The following KMT2C variants were observed in gnomAD, a reference collection of about 807,000 sequenced individuals.
KMT2C encodes the protein histone-lysine N-methyltransferase 2C.
In KMT2C, 88 loss-of-function variants were observed where a neutral mutation model predicts 507.9. The ratio of observed to expected loss-of-function variants is 0.17; its 90% CI spans 0.15 to 0.21. The LOEUF is 0.21. KMT2C is among the 10% of genes least tolerant of loss of function. The pLI, the probability that KMT2C is intolerant of heterozygous loss-of-function variation, is 1.00. For missense variants in KMT2C, 4,954 were observed against 5,957.8 expected, an observed-to-expected ratio of 0.83 and a Z score of 5.55; for synonymous variants, 2,049 against 2,080.8, an observed-to-expected ratio of 0.98 and a Z score of 0.42.
intron 1 of KMT2C, among the ~76,000 whole-genome samples, chr7:152,420,116 T>C (rs547148454): frequency 1.3e-5 from 2 of 152,350 alleles, no homozygotes; most frequent in South Asian, 2.1e-4. Flanking sequence ...CTCCACTGTA[T>C]AATACACAGC....
At chr7:152,328,823 A>T (rs1251848851) in intron 3 of KMT2C, among the ~76,000 whole-genome samples, 2 of 152,142 alleles carry the variant, frequency 1.3e-5, no homozygotes, top group Non-Finnish European at 2.9e-5. Flanking sequence ...GAAATCAAGG[A>T]TTAACTTTCA....
chr7:152,401,785 TG>T (rs1284440680), intron 1 of KMT2C, among the ~76,000 whole-genome samples: 1 of 152,270 alleles, frequency 6.6e-6, no homozygotes, highest in African/African-American at 2.4e-5. Flanking sequence ...AAATGACAGA[TG>T]TAAGCACATA....
At position 152,378,676 on chromosome 7, in the gene KMT2C, A is replaced by G. The variant is rs145662777; in HGVS notation, c.162-20001T>C. Among the ~76,000 whole-genome samples, 1,219 of 152,262 alleles carry G rather than the reference A, an allele frequency of 8.0e-3. 19 individuals are homozygous for G. The highest frequency in any genetic ancestry group is 0.028 in the African/African-American group (1,174 of 41,550). ...TTACTTTGGTACCAATTCTAGATAT[A>G]TATCTGCATATACCCAGGTATTTAA... On this transcript the variant is annotated intron_variant, in intron 1 of 58. Transcript: ENST00000262189.
chr7:152,422,103 C>T (rs1426140032), intron 1 of KMT2C, among the ~76,000 whole-genome samples: 2 of 152,036 alleles, frequency 1.3e-5, no homozygotes, highest in Non-Finnish European at 2.9e-5. Context: ...CTCTCCTCTT[C>T]ACCCAAAATA....
At chr7:152,370,208 A>G (rs1255410491) in intron 1 of KMT2C, among the ~76,000 whole-genome samples, 3 of 151,908 alleles carry the variant, frequency 2.0e-5, no homozygotes, top group Admixed American at 2.0e-4. Context: ...AAAAAAAAAG[A>G]AGACAATAAA....
intron 26 of KMT2C, among the ~76,000 whole-genome samples, chr7:152,201,634 A>AAAAAAAAAAAAAAAAAAAAAC: frequency 6.7e-6 from 1 of 149,978 alleles, no homozygotes. Flanking sequence ...AAAAAAAAAA[A>AAAAAAAAAAAAAAAAAAAAAC]AAAAAAAAAG....
intron 42 of KMT2C, among the ~76,000 whole-genome samples, chr7:152,164,516 C>G (rs2092640413): frequency 6.6e-6 from 1 of 151,936 alleles, no homozygotes; most frequent in Admixed American, 6.6e-5. Flanking sequence ...GTCTCGATCT[C>G]CTGACCTCGT....
intron 26 of KMT2C, among the ~76,000 whole-genome samples, chr7:152,201,617 G>GGGA (rs1491277955): frequency 4.4e-5 from 1 of 22,874 alleles, no homozygotes; most frequent in African/African-American, 8.2e-5. Flanking sequence ...CAACAAAGAT[G>GGGA]AAAAAAAAAA....
intron 9 of KMT2C, among the ~76,000 whole-genome samples, chr7:152,253,645 C>T (rs1335864041): frequency 4.0e-5 from 6 of 151,614 alleles, no homozygotes; most frequent in Admixed American, 6.6e-5. Context: ...AGGGAGCTCA[C>T]GCCACTACAC....
intron 4 of KMT2C, among the ~76,000 whole-genome samples, chr7:152,313,103 T>A (rs948557222): frequency 2.0e-5 from 3 of 152,158 alleles, no homozygotes; most frequent in African/African-American, 7.2e-5. Context: ...TTAAAAGGTA[T>A]AGCATGCTAT....
intron 6 of KMT2C, among the ~76,000 whole-genome samples, chr7:152,275,316 G>A (rs1563684311): frequency 2.6e-5 from 4 of 152,128 alleles, no homozygotes; most frequent in South Asian, 2.1e-4. Context: ...AGGCCAAGGC[G>A]GGTGGATCAC....
intron 2 of KMT2C, among the ~76,000 whole-genome samples, chr7:152,347,145 A>C (rs1399620971): frequency 1.3e-5 from 2 of 152,206 alleles, no homozygotes; most frequent in Admixed American, 1.3e-4. Context: ...GAAAATCATA[A>C]GGAAGAGAAA....
chr7:152,222,259 G>A (rs1359876845), intron 21 of KMT2C, among the ~76,000 whole-genome samples, 193 bp from the exon 22 acceptor site: 2 of 152,132 alleles, frequency 1.3e-5, no homozygotes, highest in Non-Finnish European at 2.9e-5. Flanking sequence ...AGTCATGGAG[G>A]AAAACCTGGC....
chr7:152,286,923 C>CA (rs1385489684), intron 6 of KMT2C, among the ~76,000 whole-genome samples: 1 of 151,144 alleles, frequency 6.6e-6, no homozygotes, highest in Non-Finnish European at 1.5e-5. Context: ...GCTACCAAGA[C>CA]AAAAAACTCA....
chr7:152,350,914 TC>T (rs1199095861), intron 2 of KMT2C, among the ~76,000 whole-genome samples: 7 of 152,236 alleles, frequency 4.6e-5, no homozygotes, highest in African/African-American at 1.7e-4. Flanking sequence ...AATCTTCCTT[TC>T]TACCCTTATT....
At chr7:152,229,573 G>A (rs1351473460) in intron 18 of KMT2C, among the ~76,000 whole-genome samples, 4 of 152,146 alleles carry the variant, frequency 2.6e-5, no homozygotes, top group Non-Finnish European at 4.4e-5. Context: ...AACAGAATGG[G>A]CTAATAATTT....
At chr7:152,212,798 T>G (rs1412262283) in intron 23 of KMT2C, among the ~76,000 whole-genome samples, 1 of 152,230 alleles carries the variant, frequency 6.6e-6, no homozygotes, top group Non-Finnish European at 1.5e-5. Flanking sequence ...CCCAGCACTT[T>G]GGGAGGCCAA....
intron 27 of KMT2C, among the ~76,000 whole-genome samples, chr7:152,198,100 C>G (rs2094017736): frequency 6.6e-6 from 1 of 152,100 alleles, no homozygotes; most frequent in African/African-American, 2.4e-5. Flanking sequence ...GAAGGACCCA[C>G]AGGTCTTTCA....
At chr7:152,374,619 C>T (rs1436060187) in intron 1 of KMT2C, among the ~76,000 whole-genome samples, 1 of 152,000 alleles carries the variant, frequency 6.6e-6, no homozygotes, top group Non-Finnish European at 1.5e-5. Flanking sequence ...AACAATCAGG[C>T]CGGGTGTGCT....
Sources: gnomAD v4.1 joint callset for allele counts (sites outside exome capture counted in the v4.1 genomes callset) on GRCh38, gnomAD v4.1.1 for gene constraint, MANE v1.5 for transcripts, NCBI Gene and HGNC (gene_info 2026-07-23, HGNC 2026-07-21) for gene names.